Variants in MUC13 observed in about 807,000 individuals in gnomAD.
MUC13 encodes mucin 13, cell surface associated.
In MUC13, 32 loss-of-function variants were observed where a neutral mutation model predicts 48.3. That is an observed-to-expected ratio of 0.66 (90% confidence interval 0.50 to 0.89). The LOEUF is 0.89. Among genes scored for constraint, MUC13 ranks in the 40% least tolerant of loss-of-function variants. The pLI, the probability that MUC13 is intolerant of heterozygous loss-of-function variation, is 0.00. For synonymous variants in MUC13, 199 were observed against 224.9 expected (o/e 0.88, Z 1.03); for missense variants, 571 against 622.8 (o/e 0.92, Z 0.88).
intron 8 of MUC13, among the ~76,000 whole-genome samples, chr3:124,912,881 A>C (rs1935446328): frequency 6.9e-6 from 1 of 145,642 alleles, no homozygotes; most frequent in Non-Finnish European, 1.5e-5. Flanking sequence ...GGTTGCAGTG[A>C]GCCGAGATTG....
chr3:124,929,231 A>C (rs556669643), intron 1 of MUC13, among the ~76,000 whole-genome samples: 18 of 147,220 alleles, frequency 1.2e-4, no homozygotes, highest in African/African-American at 4.5e-4. Flanking sequence ...GCTGGAGTGC[A>C]GTGGTGCCAT....
At chr3:124,907,367 G>C (rs1207900978) in intron 11 of MUC13, among the ~76,000 whole-genome samples, 1 of 152,092 alleles carries the variant, frequency 6.6e-6, no homozygotes, top group East Asian at 1.9e-4. Context: ...TGTAATCCCA[G>C]CACTTTGGAA....
intron 10 of MUC13, among the ~76,000 whole-genome samples, chr3:124,909,055 G>A (rs1381575885): frequency 2.0e-5 from 3 of 152,076 alleles, no homozygotes; most frequent in Admixed American, 6.6e-5. Flanking sequence ...TCGGGAGGCC[G>A]AGGCGGGAGA....
intron 1 of MUC13, among the ~76,000 whole-genome samples, chr3:124,932,161 G>A (rs962235104): frequency 2.2e-4 from 33 of 152,196 alleles, no homozygotes; most frequent in Admixed American, 2.1e-3. Context: ...CAGATTGGAT[G>A]CTCAATTTTT....
At position 124,908,334 on chromosome 3, in the gene MUC13, G is replaced by A. The variant is rs761163911; in HGVS notation, c.1352C>T (p.Thr451Met). 1.5e-5 allele frequency: 24 copies of A among 1,613,930 alleles called. No individual in the cohort carries two copies. In the Middle Eastern group the frequency reaches 4.9e-4, roughly 33 times the overall value. The change falls in exon 11 of 12, where the codon ACG becomes ATG. Residue 451 changes from threonine (T) to methionine (M), a missense_variant. Coordinates refer to ENST00000616727, the MANE Select transcript of MUC13 (RefSeq NM_033049.4). Reference sequence around the variant, plus strand: ...CAAGTTCTCTTCTTCAATATGCTTCGTTTTGTTATTTGATCTGTAATCAGT... The same window carrying A: ...CAAGTTCTCTTCTTCAATATGCTTCATTTTGTTATTTGATCTGTAATCAGT... ...LIVTARSNNKTKHIEEENLID... is the reference protein window; with the variant it reads ...LIVTARSNNKMKHIEEENLID...
At chr3:124,919,395 G>A (rs1184740744) in intron 5 of MUC13, among the ~76,000 whole-genome samples, 2 of 136,548 alleles carry the variant, frequency 1.5e-5, no homozygotes, top group South Asian at 2.4e-4. Context: ...TCACTATGTT[G>A]CTCAGGCTGG....
intron 8 of MUC13, 150 bp downstream of exon 8, chr3:124,912,961 A>AAAATTTT: frequency 1.6e-6 from 1 of 609,684 alleles, no homozygotes; most frequent in Non-Finnish European, 2.5e-6. Flanking sequence ...AAAAAAAACT[A>AAAATTTT]TTGATGATGA....
In MUC13 at chr3:124,928,038, T is replaced by A. The variant is rs779008429; in HGVS notation, c.53-45A>T. On this transcript the variant is annotated intron_variant, in intron 1 of 11. Transcript: ENST00000616727. ...AAGTTTGAGGAGACAGTACATTGAA[T>A]AACTAATGGCAGTTACTTAATACTA... 5.3e-6 allele frequency: 7 copies of A among 1,320,640 alleles called. No homozygotes were observed. The East Asian group carries it at 1.6e-4, about 31-fold the overall frequency. 81.8% of individuals were successfully genotyped at this position (1,320,640 alleles called of 1,614,324 possible). A position where few individuals can be genotyped will look rare whatever the true frequency, so the allele number is the denominator to read the frequency against.
chr3:124,916,603 C>G (rs1012394062), intron 5 of MUC13, 123 bp from the exon 6 acceptor site: 2 of 1,016,410 alleles, frequency 2.0e-6, no homozygotes, highest in Non-Finnish European at 2.9e-6. Context: ...CCCTATGATT[C>G]GGACCCACAT....
rs960678950 is a variant in MUC13, at chr3:124,917,532, G to A, written c.801-1052C>T. 5.3e-5 allele frequency among the ~76,000 whole-genome samples: 8 copies of A among 151,976 alleles called. No homozygotes were observed. In the East Asian group the frequency reaches 7.8e-4, roughly 15 times the overall value. Reference sequence around the variant, plus strand: ...CAGCTAAAATTTCATTTTGACTCTCGAATAAATGCAGAAGCCTGAAAATAT... The same window carrying A: ...CAGCTAAAATTTCATTTTGACTCTCAAATAAATGCAGAAGCCTGAAAATAT... On this transcript the variant is annotated intron_variant, in intron 5 of 11. Transcript: ENST00000616727.
chr3:124,923,314 G>A (rs1935633379), intron 3 of MUC13, among the ~76,000 whole-genome samples: 1 of 152,196 alleles, frequency 6.6e-6, no homozygotes. Context: ...GGCTCCCAGG[G>A]TTGCTGGACT....
chr3:124,915,846 T>C (rs1432977022), intron 6 of MUC13, among the ~76,000 whole-genome samples: 2 of 152,102 alleles, frequency 1.3e-5, no homozygotes, highest in Non-Finnish European at 2.9e-5. Context: ...CCACCACACC[T>C]GGCTAATTTT....
Position 124,908,187 on chromosome 3 carries a change from G to A in MUC13, c.1499C>T (p.Pro500Leu). ...TASRDSQMQN[P>L]YSRHSSMPRP... is the part of the protein sequence containing the mutation. Reference sequence around the variant, plus strand: ...GGGCATGCTGCTGTGTCTTGAATAGGGATTTTGCATCTGGCTGTCTCTGGA... The same window carrying A: ...GGGCATGCTGCTGTGTCTTGAATAGAGATTTTGCATCTGGCTGTCTCTGGA... Residue 500 changes from proline to leucine, a missense_variant, in exon 11 of 12, where the codon CCC becomes CTC. Pro to Leu is a moderately conservative substitution (Grantham distance 98). Transcript: ENST00000616727. 3 of 1,614,130 alleles carry A rather than the reference G, an allele frequency of 1.9e-6. No individual in the cohort carries two copies. The highest frequency in any genetic ancestry group is 2.5e-6 in the Non-Finnish European group (3 of 1,180,028).
At chr3:124,934,237 A>G (rs925045580) in intron 1 of MUC13, among the ~76,000 whole-genome samples, 1 of 152,024 alleles carries the variant, frequency 6.6e-6, no homozygotes, top group African/African-American at 2.4e-5. Context: ...GCTCACTGCA[A>G]CCTCCACTTC....
chr3:124,914,786 C>T (rs534788590), intron 6 of MUC13, among the ~76,000 whole-genome samples: 12 of 151,614 alleles, frequency 7.9e-5, no homozygotes, highest in East Asian at 2.0e-4. Context: ...ATTAGCTGGG[C>T]GTGGTGGCAC....
Position 124,913,648 on chromosome 3 carries a change from T to G in MUC13, c.998A>C (p.Gln333Pro), listed in dbSNP as rs1411491185. The change falls in exon 7 of 12, where the codon CAG becomes CCG. Residue 333 changes from glutamine to proline, a missense_variant. Coordinates refer to ENST00000616727, the MANE Select transcript of MUC13 (RefSeq NM_033049.4). ...TLRCDYYGCN[Q>P]TADDCLNGLA... ...ACCATTGAGGCAGTCATCCGCAGTC[T>G]GGTTACAGCCATAATAATCACACCG... 4.3e-6 allele frequency: 7 copies of G among 1,614,218 alleles called. No individual in the cohort carries two copies. The highest frequency in any genetic ancestry group is 1.3e-5 in the African/African-American group (1 of 75,072).
chr3:124,908,560 A>G (rs1935353445), intron 10 of MUC13, among the ~76,000 whole-genome samples: 1 of 152,210 alleles, frequency 6.6e-6, no homozygotes, highest in Admixed American at 6.5e-5. Context: ...TAAGTTGCAT[A>G]ACCAAAGAAC....
intron 8 of MUC13, among the ~76,000 whole-genome samples, chr3:124,912,704 G>A (rs948628406): frequency 2.6e-5 from 4 of 152,068 alleles, no homozygotes; most frequent in African/African-American, 4.8e-5. Context: ...TTGGGAGGCC[G>A]AAGCAGGTGG....
At chr3:124,924,129 A>C (rs1179542825) in intron 2 of MUC13, among the ~76,000 whole-genome samples, 1 of 152,242 alleles carries the variant, frequency 6.6e-6, no homozygotes, top group Non-Finnish European at 1.5e-5. Context: ...TCTGTTAGGC[A>C]TACCTAGGAG....
Sources: gnomAD v4.1 joint callset for allele counts (sites outside exome capture counted in the v4.1 genomes callset) on GRCh38, gnomAD v4.1.1 for gene constraint, MANE v1.5 for transcripts, NCBI Gene and HGNC (gene_info 2026-07-23, HGNC 2026-07-21) for gene names.